C8orf34: variants seen among roughly 807,000 people sequenced by gnomAD.
C8orf34 encodes uncharacterized protein C8orf34.
Under a neutral mutation model 68.3 loss-of-function variants are expected in C8orf34, and 65 were observed. The ratio of observed to expected loss-of-function variants is 0.95; its 90% CI spans 0.78 to 1.17. The LOEUF is 1.17. Ranked by LOEUF, C8orf34 falls within the 50% of genes most tolerant of loss-of-function variation. The pLI, the probability that C8orf34 is intolerant of heterozygous loss-of-function variation, is 0.00. For missense variants in C8orf34, 664 were observed against 655.4 expected (o/e 1.01, Z -0.14); for synonymous variants, 244 against 241.2 (o/e 1.01, Z -0.11).
chr8:68,548,162 A>G (rs185928763), intron 7 of C8orf34, among the ~76,000 whole-genome samples: 1 of 151,870 alleles, frequency 6.6e-6, no homozygotes, highest in East Asian at 1.9e-4. Flanking sequence ...AAAAATCACT[A>G]AAGATGAAAG....
At chr8:68,615,899 G>A (rs1289309738) in intron 7 of C8orf34, among the ~76,000 whole-genome samples, 11 of 151,034 alleles carry the variant, frequency 7.3e-5, no homozygotes, top group Non-Finnish European at 1.6e-4. Flanking sequence ...GGTAGAATTC[G>A]GCTGTGAATC....
chr8:68,331,440 G>A, intron 1 of C8orf34, 101 bp downstream of exon 1: 2 of 1,319,718 alleles, frequency 1.5e-6, no homozygotes, highest in South Asian at 2.5e-5. Context: ...GGGAAGGAGG[G>A]CTAGAGAACC....
intron 10 of C8orf34, among the ~76,000 whole-genome samples, chr8:68,774,716 A>G (rs907667359): frequency 1.4e-5 from 2 of 147,384 alleles, no homozygotes; most frequent in Non-Finnish European, 3.0e-5. Flanking sequence ...TGTTTTCCCC[A>G]AGTACTTGCA....
At chr8:68,728,671 C>T (rs1172420440) in intron 10 of C8orf34, among the ~76,000 whole-genome samples, 1 of 152,206 alleles carries the variant, frequency 6.6e-6, no homozygotes, top group East Asian at 1.9e-4. Flanking sequence ...TATTCACTAT[C>T]ACAAGGATAG....
chr8:68,377,328 G>A (rs1478158990), intron 1 of C8orf34, among the ~76,000 whole-genome samples: 3 of 152,112 alleles, frequency 2.0e-5, no homozygotes, highest in East Asian at 1.9e-4. Flanking sequence ...AGCCCAGGAC[G>A]TTGAGGCTGC....
chr8:68,582,186 G>A (rs1817084889), intron 7 of C8orf34, among the ~76,000 whole-genome samples: 1 of 152,118 alleles, frequency 6.6e-6, no homozygotes, highest in Admixed American at 6.6e-5. Flanking sequence ...TCATTTGTAT[G>A]GTTAGACTCA....
chr8:68,802,941 C>T (rs573384242), intron 12 of C8orf34, among the ~76,000 whole-genome samples: 1 of 151,996 alleles, frequency 6.6e-6, no homozygotes, highest in Non-Finnish European at 1.5e-5. Flanking sequence ...CTAGAAAATA[C>T]AATTTACCAA....
intron 10 of C8orf34, among the ~76,000 whole-genome samples, chr8:68,753,213 T>A (rs1165139413): frequency 6.6e-6 from 1 of 152,174 alleles, no homozygotes; most frequent in East Asian, 1.9e-4. Context: ...CACTCTTGGA[T>A]CATATAAATG....
At chr8:68,533,222 T>A in intron 7 of C8orf34, 73 bp downstream of exon 7, 3 of 1,490,164 alleles carry the variant, frequency 2.0e-6, no homozygotes, top group Non-Finnish European at 2.7e-6. Flanking sequence ...GATTAAGAGA[T>A]TTTAAAAGTT....
intron 10 of C8orf34, among the ~76,000 whole-genome samples, chr8:68,774,346 T>TATATATATATAA (rs1823443681): frequency 6.7e-6 from 1 of 149,356 alleles, no homozygotes. Context: ...TATATATATA[T>TATATATATATAA]ATAAAATAAA....
intron 12 of C8orf34, among the ~76,000 whole-genome samples, chr8:68,805,383 C>T (rs1824452076): frequency 6.6e-6 from 1 of 152,128 alleles, no homozygotes; most frequent in Non-Finnish European, 1.5e-5. Flanking sequence ...TCAAATATTC[C>T]GTCTTCTTAC....
In C8orf34 at chr8:68,794,503, A is replaced by ATT. The variant is rs1282291648; in HGVS notation, c.1549+6968_1549+6969insTT. On this transcript the variant is annotated intron_variant, in intron 12 of 13. Transcript: ENST00000518698. ...TATAAATATATATATATATATATAT[A>ATT]TATTTTTTTTTTTTTTTTTTAGACA... Among the ~76,000 whole-genome samples, 35 of 78,412 alleles carry ATT rather than the reference A, an allele frequency of 4.5e-4. 1 individual carries two copies. The highest frequency in any genetic ancestry group is 7.9e-4 in the Admixed American group (6 of 7,640). The allele number at this position is 78,412 out of a possible 152,430, so 51.4% of individuals were successfully genotyped here. A position where few individuals can be genotyped will look rare whatever the true frequency, so the allele number is the denominator to read the frequency against.
At chr8:68,501,070 C>T (rs1486685849) in intron 5 of C8orf34, among the ~76,000 whole-genome samples, 8 of 152,070 alleles carry the variant, frequency 5.3e-5, no homozygotes, top group African/African-American at 1.9e-4. Flanking sequence ...AGAAGGAGCC[C>T]ATGGGGAAGG....
intron 4 of C8orf34, among the ~76,000 whole-genome samples, chr8:68,471,507 C>T (rs1253398902): frequency 6.6e-6 from 1 of 152,140 alleles, no homozygotes; most frequent in Non-Finnish European, 1.5e-5. Context: ...ATTCCTACTT[C>T]CTCCAACTGG....
chr8:68,467,155 T>A (rs1027644681), intron 3 of C8orf34, among the ~76,000 whole-genome samples: 1 of 151,996 alleles, frequency 6.6e-6, no homozygotes, highest in Non-Finnish European at 1.5e-5. Context: ...TACCTTGTGC[T>A]CCAAACTCTA....
intron 10 of C8orf34, among the ~76,000 whole-genome samples, chr8:68,721,956 G>T (rs1457577168): frequency 6.6e-6 from 1 of 151,810 alleles, no homozygotes; most frequent in African/African-American, 2.4e-5. Context: ...AAATTTTTTA[G>T]TTTCTATAAA....
At chr8:68,633,442 A>T (rs1267681076) in intron 7 of C8orf34, among the ~76,000 whole-genome samples, 2 of 152,202 alleles carry the variant, frequency 1.3e-5, no homozygotes, top group African/African-American at 2.4e-5. Flanking sequence ...TCTTCTTAAC[A>T]TTCTTCTCTC....
intron 7 of C8orf34, among the ~76,000 whole-genome samples, chr8:68,638,835 T>C (rs1818921245): frequency 6.6e-6 from 1 of 152,106 alleles, no homozygotes; most frequent in Non-Finnish European, 1.5e-5. Context: ...TGATAACCTC[T>C]AGTTTAAAGT....
chr8:68,693,391 A>G (rs568055058), intron 8 of C8orf34, among the ~76,000 whole-genome samples: 2 of 152,092 alleles, frequency 1.3e-5, no homozygotes, highest in East Asian at 1.9e-4. Context: ...TGATTTTACT[A>G]CTTACTAGGT....
Sources: gnomAD v4.1 joint callset for allele counts (sites outside exome capture counted in the v4.1 genomes callset) on GRCh38, gnomAD v4.1.1 for gene constraint, MANE v1.5 for transcripts, NCBI Gene and HGNC (gene_info 2026-07-23, HGNC 2026-07-21) for gene names.